SLC10A4: variants seen among roughly 807,000 people sequenced by gnomAD.
SLC10A4 encodes the protein solute carrier family 10 member 4.
A neutral mutation model predicts 22.5 loss-of-function variants in SLC10A4; 17 were observed. That is an observed-to-expected ratio of 0.76 (90% CI 0.52 to 1.14). The LOEUF (loss-of-function observed/expected upper bound fraction) is 1.14. Among genes scored for constraint, SLC10A4 ranks in the 50% most tolerant of loss-of-function variants. The probability of loss-of-function intolerance (pLI) is 0.00; values close to 1 mark genes in which losing one functional copy is unlikely to be tolerated. For missense variants in SLC10A4, 548 were observed against 584.0 expected (o/e 0.94, Z 0.64); for synonymous variants, 257 against 258.2 (o/e 1.00, Z 0.04).
chr4:48,483,679 T>C lies in SLC10A4; in HGVS notation c.118T>C (p.Ser40Pro). 1 of 1,475,108 alleles carries C rather than the reference T, an allele frequency of 6.8e-7. No individual in the cohort carries two copies. Among genetic ancestry groups the C allele is most frequent in the Non-Finnish European group, 8.9e-7 (1 of 1,118,428 alleles). The allele number at this position is 1,475,108 out of a possible 1,614,324, so 91.4% of individuals were successfully genotyped here. ...CACGGACCTCGCCCTCGCCCCTGCC[T>C]CCAGCGCCGGCCCCGGCCCTGGGCT... ...PGTDLALAPA[S>P]SAGPGPGLSL... is the part of the protein sequence containing the mutation. The change falls in exon 1 of 3, where the codon TCC becomes CCC. Residue 40 changes from serine to proline, a missense_variant. Coordinates refer to ENST00000273861, the MANE Select transcript of SLC10A4 (RefSeq NM_152679.4). This position sits in a 1 kb window ranked among gnomAD's most constrained non-coding sequence, Gnocchi z 5.4.
chr4:48,488,808 C>G lies in SLC10A4; in HGVS notation c.1183C>G (p.Pro395Ala). ...YGSEMLHKRD[P>A]LDEDEDTDIS... is the part of the protein sequence containing the mutation. ...AAGTGAAATGTTGCACAAGCGAGAT[C>G]CTCTAGATGAAGATGAAGATACAGA... Residue 395 changes from proline to alanine, a missense_variant, in exon 3 of 3, where the codon CCT (proline) becomes GCT (alanine). Pro to Ala is a conservative substitution (Grantham distance 27). Around this residue, in one of 3 missense-constraint regions of SLC10A4, gnomAD observed 314 missense variants for 353.2 expected, o/e 0.89. Coordinates refer to ENST00000273861, the MANE Select transcript of SLC10A4 (RefSeq NM_152679.4). 6.2e-7 allele frequency: 1 copy of G among 1,613,960 alleles called. No homozygotes were observed. The highest frequency in any genetic ancestry group is 8.5e-7 in the Non-Finnish European group (1 of 1,180,028).
At position 48,488,980 on chromosome 4, in the gene SLC10A4, G is replaced by T. The variant is rs1327260708; in HGVS notation, c.*41G>T. ...GGAGCTTCTATCTTGCTGAAATATT[G>T]CTTCATATTTATAGCCTGTGGTAGT... On this transcript the variant is annotated 3_prime_UTR_variant, in exon 3 of 3. Transcript: ENST00000273861. 3.9e-6 allele frequency: 6 copies of T among 1,536,058 alleles called. No individual in the cohort carries two copies. Among genetic ancestry groups the T allele is most frequent in the Non-Finnish European group, 5.2e-6 (6 of 1,148,890 alleles).
Position 48,489,323 on chromosome 4 carries a change from TAAA to T in SLC10A4, c.*392_*394del, listed in dbSNP as rs373403963. ...ATAATTGAGTTTAATGTAATTGTTGTAAAAAAAAAAGTGTGCTTGCTCTACTTA... is the reference window on the plus strand; with the variant it reads ...ATAATTGAGTTTAATGTAATTGTTGTAAAAAAAGTGTGCTTGCTCTACTTA... On this transcript the variant is annotated 3_prime_UTR_variant, in exon 3 of 3. Transcript: ENST00000273861. 3.2e-5 allele frequency: 5 copies of T among 157,036 alleles called. No homozygotes were observed. The highest frequency in any genetic ancestry group is 1.2e-4 in the African/African-American group (5 of 40,920). 9.7% of individuals were successfully genotyped at this position (157,036 alleles called of 1,614,324 possible).
Position 48,484,076 on chromosome 4 carries a change from T to TCCTGTGTGGCTGCTGTC in SLC10A4, c.518_534dup (p.Gly179CysfsTer22). The TCCTGTGTGGCTGCTGTC allele has an allele frequency of 6.2e-7, 1 of 1,605,804 alleles. No individual in the cohort carries two copies. Among genetic ancestry groups the TCCTGTGTGGCTGCTGTC allele is most frequent in the African/African-American group, 1.3e-5 (1 of 75,002 alleles). ...GACGAGGTGGCCGCCGTGGCGGTGC[T>TCCTGTGTGGCTGCTGTC]CCTGTGTGGCTGCTGTCCCGGCGGC... On this transcript the variant is annotated frameshift_variant, in exon 1 of 3. Transcript: ENST00000273861. LOFTEE classifies it high-confidence loss of function.
chr4:48,488,339 A>T, intron 2 of SLC10A4, 88 bp from the exon 3 acceptor site: 1 of 1,206,410 alleles, frequency 8.3e-7, no homozygotes, highest in East Asian at 2.4e-5. Flanking sequence ...GTTGGAGAGC[A>T]TACTAGATGG....
chr4:48,485,265 G>C (rs1237975613), intron 2 of SLC10A4, 123 bp downstream of exon 2: 18 of 961,248 alleles, frequency 1.9e-5, no homozygotes, highest in Non-Finnish European at 2.6e-5. Flanking sequence ...GTAGTTGCAT[G>C]GATAAAATTT....
Position 48,483,926 on chromosome 4 carries a change from G to C in SLC10A4, c.365G>C (p.Cys122Ser). 1 of 1,543,320 alleles carries C rather than the reference G, an allele frequency of 6.5e-7. No individual in the cohort carries two copies. ...ALCITMLGLG[C>S]TVDVNHFGAH... is the part of the protein sequence containing the mutation. ...TGCATCACCATGCTGGGCCTGGGCT[G>C]CACGGTGGACGTGAACCACTTCGGG... Residue 122 changes from cysteine (C) to serine (S), a missense_variant, in exon 1 of 3, where the codon TGC (cysteine) becomes TCC (serine). Coordinates refer to ENST00000273861, the MANE Select transcript of SLC10A4 (RefSeq NM_152679.4). This position sits in a 1 kb window ranked among gnomAD's most constrained non-coding sequence, Gnocchi z 5.4.
rs1428120249 is a variant in SLC10A4 at position 48,485,151 on chromosome 4, C to G, written c.801+9C>G. The G allele has an allele frequency of 1.2e-6, 2 of 1,613,034 alleles. No individual in the cohort carries two copies. Among genetic ancestry groups the G allele is most frequent in the Non-Finnish European group, 1.7e-6 (2 of 1,179,078 alleles). ...CTGACTACATTGTGAAGGTAAGGCC[C>G]CCTCTTCCCTTTCCATACTAGCTTG... On this transcript the variant is annotated intron_variant, in intron 2 of 2. Transcript: ENST00000273861.
rs35831946 is a variant in SLC10A4, at chr4:48,487,788, C to CTTTTTTTTTTTTTTT, written c.802-622_802-608dup. 5.0e-5 allele frequency among the ~76,000 whole-genome samples: 2 copies of CTTTTTTTTTTTTTTT among 39,788 alleles called. 1 individual carries two copies. The highest frequency in any genetic ancestry group is 8.0e-5 in the Non-Finnish European group (2 of 24,944). The allele number at this position is 39,788 out of a possible 152,430, so 26.1% of individuals were successfully genotyped here. A position where few individuals can be genotyped will look rare whatever the true frequency, so the allele number is the denominator to read the frequency against. ...TTGAAGGCTATTTTTTTTTGAAGAG[C>CTTTTTTTTTTTTTTT]TTTTTTTTTTTTTTTTTTTTTTTTT... is the stretch of plus-strand genomic sequence containing the variant. On this transcript the variant is annotated intron_variant, in intron 2 of 2. Coordinates refer to ENST00000273861, the MANE Select transcript of SLC10A4 (RefSeq NM_152679.4).
At chr4:48,484,349 G>A (rs1385089285) in intron 1 of SLC10A4, among the ~76,000 whole-genome samples, 198 bp downstream of exon 1, 2 of 152,250 alleles carry the variant, frequency 1.3e-5, no homozygotes, top group Non-Finnish European at 2.9e-5. Context: ...AGGGGAGCAA[G>A]CTAGACGGCG....
Position 48,484,138 on chromosome 4 carries a change from G to A in SLC10A4, c.577G>A (p.Asp193Asn), listed in dbSNP as rs369167692. 9 of 1,578,140 alleles carry A rather than the reference G, an allele frequency of 5.7e-6. No individual in the cohort carries two copies. The highest frequency in any genetic ancestry group is 4.6e-5 in the South Asian group (4 of 87,502). Residue 193 changes from aspartate to asparagine, a missense_variant, in exon 1 of 3, where the codon GAC (aspartate) becomes AAC (asparagine). This residue lies in a region of SLC10A4 where 314 missense variants were observed against 353.2 expected (regional missense o/e 0.89). Coordinates refer to ENST00000273861, the MANE Select transcript of SLC10A4 (RefSeq NM_152679.4). ...TCTTATGTCCCTGCTGGTTGACGGC[G>A]ACATGAACCTCAGGTACGGATCTGT... ...SNLMSLLVDG[D>N]MNLSIIMTIS...
At chr4:48,485,808 G>A (rs570216721) in intron 2 of SLC10A4, among the ~76,000 whole-genome samples, 1 of 152,238 alleles carries the variant, frequency 6.6e-6, no homozygotes, top group East Asian at 1.9e-4. Flanking sequence ...TAAAGCTAGT[G>A]AAAAGATAGG....
Position 48,488,888 on chromosome 4 carries a change from A to T in SLC10A4, c.1263A>T (p.Thr421=). The T allele has an allele frequency of 1.2e-6, 2 of 1,610,426 alleles. No individual in the cohort carries two copies. Among genetic ancestry groups the T allele is most frequent in the Non-Finnish European group, 1.7e-6 (2 of 1,179,262 alleles). ...AAATGGCAGACACTTCCTATGGCAC[A>T]GTGAAAGCAGAAAATATAATAATGA... The part of the protein sequence containing the change: ...EEEMADTSYG[T]VKAENIIMME... Residue 421 remains threonine (T), a synonymous_variant, in exon 3 of 3, where the codon ACA becomes ACT. Transcript: ENST00000273861.
At position 48,487,418 on chromosome 4, in the gene SLC10A4, A is replaced by C. The variant is rs534530452; in HGVS notation, c.802-1009A>C. On this transcript the variant is annotated intron_variant, in intron 2 of 2. Transcript: ENST00000273861. Reference sequence around the variant, plus strand: ...GTATATTTTGAGGGTTAAAAAGATCACACACTGAGCTTCAGACATTTTAAT... The same window carrying C: ...GTATATTTTGAGGGTTAAAAAGATCCCACACTGAGCTTCAGACATTTTAAT... 2.0e-5 allele frequency among the ~76,000 whole-genome samples: 3 copies of C among 152,350 alleles called. No homozygotes were observed. The South Asian group carries it at 6.2e-4, about 32-fold the overall frequency.
chr4:48,483,813 G>T lies in SLC10A4; in HGVS notation c.252G>T (p.Pro84=). The T allele has an allele frequency of 6.6e-7, 1 of 1,524,556 alleles. No homozygotes were observed. The highest frequency in any genetic ancestry group is 8.8e-7 in the Non-Finnish European group (1 of 1,140,870). 94.4% of individuals were successfully genotyped at this position (1,524,556 alleles called of 1,614,324 possible). Residue 84 remains proline, a synonymous_variant, in exon 1 of 3, where the codon CCG becomes CCT. Transcript: ENST00000273861. The surrounding 1 kb of genome is among the most constrained non-coding windows in gnomAD (Gnocchi z 5.4). ...GCGCGGCGAGCCACGGCCCTTCCCCGTTCCCTCGGCCCTGGGCGCCCCACG... is the reference window on the plus strand; with the variant it reads ...GCGCGGCGAGCCACGGCCCTTCCCCTTTCCCTCGGCCCTGGGCGCCCCACG... The part of the protein sequence containing the change: ...AGGAASHGPS[P]FPRPWAPHAL...
intron 1 of SLC10A4, 149 bp from the exon 2 acceptor site, chr4:48,484,783 G>T: frequency 1.5e-6 from 1 of 688,462 alleles, no homozygotes. Context: ...TGCTCTCTTG[G>T]CACTCTCCTC....
In SLC10A4 at chr4:48,484,545, G is replaced by GA. The variant is rs532174437; in HGVS notation, c.591-384dup. ...AAAATAGGGCTACTGGCCCGTCAGA[G>GA]AAAGTAATCTCACATAGAGTGCAGG... On this transcript the variant is annotated intron_variant, in intron 1 of 2. Coordinates refer to ENST00000273861, the MANE Select transcript of SLC10A4 (RefSeq NM_152679.4). Among the ~76,000 whole-genome samples the GA allele has an allele frequency of 7.1e-4, 108 of 152,234 alleles. 1 individual carries two copies. The highest frequency in any genetic ancestry group is 1.3e-3 in the Non-Finnish European group (91 of 68,040).
In SLC10A4 at chr4:48,483,347, G is replaced by A. The variant is rs1010025137; in HGVS notation, c.-215G>A. ...GCCGGCGCAGCGATTGGGTTCACCC[G>A]GGGGGCCGCGCTGCGCGGAGTGCCA... On this transcript the variant is annotated 5_prime_UTR_variant, in exon 1 of 3. Coordinates refer to ENST00000273861, the MANE Select transcript of SLC10A4 (RefSeq NM_152679.4). The surrounding 1 kb of genome is among the most constrained non-coding windows in gnomAD (Gnocchi z 5.4). The A allele has an allele frequency of 4.3e-6, 1 of 232,846 alleles. No individual in the cohort carries two copies. The allele number at this position is 232,846 out of a possible 1,614,324, so 14.4% of individuals were successfully genotyped here.
chr4:48,483,716 C>T lies in SLC10A4; in HGVS notation c.155C>T (p.Pro52Leu). 7.0e-7 allele frequency: 1 copy of T among 1,434,320 alleles called. No individual in the cohort carries two copies. Among genetic ancestry groups the T allele is most frequent in the Non-Finnish European group, 9.1e-7 (1 of 1,103,316 alleles). 88.8% of individuals were successfully genotyped at this position (1,434,320 alleles called of 1,614,324 possible). The change falls in exon 1 of 3, where the codon CCG becomes CTG. Residue 52 changes from proline to leucine, a missense_variant. Transcript: ENST00000273861. This position sits in a 1 kb window ranked among gnomAD's most constrained non-coding sequence, Gnocchi z 5.4. The stretch of plus-strand genomic sequence containing the variant: ...CCCGGCCCTGGGCTCAGCCTCGGGC[C>T]GGGTCCGAGCTTCGGCTTCAGCCCC... ...AGPGPGLSLG[P>L]GPSFGFSPGP...
Sources: allele counts gnomAD v4.1 joint callset (sites outside exome capture counted in the v4.1 genomes callset), GRCh38; gene constraint gnomAD v4.1.1; regional missense constraint gnomAD v4.1.1; non-coding constraint Gnocchi (gnomAD v3.1); transcripts MANE v1.5; gene names NCBI Gene and HGNC (gene_info 2026-07-23, HGNC 2026-07-21).